The following ARMH1 variants were observed in gnomAD, a reference collection of about 807,000 sequenced individuals.
ARMH1 encodes armadillo like helical domain containing 1.
Under a neutral mutation model 50.2 loss-of-function variants are expected in ARMH1, and 34 were observed. That is an observed-to-expected ratio of 0.68 (90% confidence interval 0.51 to 0.90). The LOEUF is 0.90. Ranked by LOEUF, ARMH1 falls within the 40% of genes least tolerant of loss-of-function variation. The pLI is 0.00. For missense variants in ARMH1, 538 were observed against 553.9 expected, an observed-to-expected ratio of 0.97 and a Z score of 0.29; for synonymous variants, 221 against 224.2, an observed-to-expected ratio of 0.99 and a Z score of 0.13.
At chr1:44,684,823 G>T (rs1645417109) in intron 1 of ARMH1, among the ~76,000 whole-genome samples, 1 of 152,158 alleles carries the variant, frequency 6.6e-6, no homozygotes, top group Non-Finnish European at 1.5e-5. Context: ...CTCAGGCAGG[G>T]CTTGAAGGGC....
intron 5 of ARMH1, 60 bp downstream of exon 5, chr1:44,701,179 C>T: frequency 6.9e-7 from 1 of 1,442,080 alleles, no homozygotes. Flanking sequence ...TTACAATTAC[C>T]TTCCGCAGTT....
In ARMH1 at chr1:44,724,388, A is replaced by G; in HGVS notation, c.916A>G (p.Ile306Val). 1.3e-6 allele frequency: 2 copies of G among 1,550,114 alleles called. No individual in the cohort carries two copies. Among genetic ancestry groups the G allele is most frequent in the South Asian group, 1.2e-5 (1 of 84,010 alleles). ...FLQQAAAAKA[I>V]GVLARNDMSI... ...GCAGCAGGCCGCGGCCGCCAAGGCC[A>G]TCGGGTAAGCGGGCAGGGGTTAGTG... Residue 306 changes from isoleucine to valine, a missense_variant, in exon 8 of 12, where the codon ATC becomes GTC. Coordinates refer to ENST00000535358, the MANE Select transcript of ARMH1 (RefSeq NM_001145636.2). This position sits in a 1 kb window ranked among gnomAD's most constrained non-coding sequence, Gnocchi z 6.4.
chr1:44,712,877 T>C (rs1646679124), intron 6 of ARMH1, among the ~76,000 whole-genome samples: 1 of 152,062 alleles, frequency 6.6e-6, no homozygotes, highest in Admixed American at 6.6e-5. Flanking sequence ...TTGGTCAGAC[T>C]GGTCTCAAAC....
At chr1:44,713,946 T>G (rs1400416239) in intron 6 of ARMH1, among the ~76,000 whole-genome samples, 1 of 152,188 alleles carries the variant, frequency 6.6e-6, no homozygotes, top group Non-Finnish European at 1.5e-5. Context: ...TATATTTTTA[T>G]TGTTTCAACA....
At chr1:44,716,851 CTTTTTTT>C (rs758060030) in intron 6 of ARMH1, among the ~76,000 whole-genome samples, 12 of 138,298 alleles carry the variant, frequency 8.7e-5, no homozygotes, top group East Asian at 2.1e-4. Flanking sequence ...ATTCTTTTTT[CTTTTTTT>C]TTTTTTTTTT....
chr1:44,701,997 C>T (rs1474814636), intron 5 of ARMH1, among the ~76,000 whole-genome samples: 2 of 151,832 alleles, frequency 1.3e-5, no homozygotes, highest in Admixed American at 6.6e-5. Flanking sequence ...CCCAGCTGCT[C>T]GGGAGGCTGT....
intron 2 of ARMH1, among the ~76,000 whole-genome samples, chr1:44,695,961 A>T (rs1292353954): frequency 7.4e-6 from 1 of 135,842 alleles, no homozygotes; most frequent in African/African-American, 2.7e-5. Flanking sequence ...AAAAAAAAAA[A>T]GACTAGCCCA....
intron 1 of ARMH1, among the ~76,000 whole-genome samples, chr1:44,687,185 C>G (rs1645500176): frequency 6.6e-6 from 1 of 152,160 alleles, no homozygotes; most frequent in Non-Finnish European, 1.5e-5. Flanking sequence ...TCTGAGGCCT[C>G]TCTCCTTGGC....
chr1:44,694,582 T>C (rs1345900292), intron 2 of ARMH1, among the ~76,000 whole-genome samples: 5 of 149,262 alleles, frequency 3.3e-5, no homozygotes, highest in Non-Finnish European at 7.4e-5. Context: ...CAATCTCGGC[T>C]CACTGCAACC....
chr1:44,700,310 G>T (rs1358821460), intron 4 of ARMH1, among the ~76,000 whole-genome samples: 1 of 152,184 alleles, frequency 6.6e-6, no homozygotes, highest in Non-Finnish European at 1.5e-5. Flanking sequence ...TTTGCAAACT[G>T]CTGAGTGCTA....
At chr1:44,711,568 A>T (rs1300983634) in intron 6 of ARMH1, among the ~76,000 whole-genome samples, 2 of 152,172 alleles carry the variant, frequency 1.3e-5, no homozygotes, top group African/African-American at 2.4e-5. Flanking sequence ...TTCTGTGCTC[A>T]TCAAATATAT....
chr1:44,721,645 C>CT (rs1647157291), intron 6 of ARMH1: 1 of 152,060 alleles, frequency 6.6e-6, no homozygotes. Context: ...GGGAGGATTG[C>CT]TTGAGCATGG....
chr1:44,694,958 T>C (rs1367792161), intron 2 of ARMH1, among the ~76,000 whole-genome samples: 1 of 152,192 alleles, frequency 6.6e-6, no homozygotes, highest in Non-Finnish European at 1.5e-5. Context: ...GGTTGAGTAA[T>C]TTACTAGCAC....
chr1:44,688,579 A>AT (rs1364097242), intron 1 of ARMH1, among the ~76,000 whole-genome samples: 1 of 152,222 alleles, frequency 6.6e-6, no homozygotes, highest in Non-Finnish European at 1.5e-5. Context: ...TGTTCTCTCC[A>AT]TATCAATCAT....
At chr1:44,703,597 C>T (rs1646193987) in intron 5 of ARMH1, among the ~76,000 whole-genome samples, 1 of 148,990 alleles carries the variant, frequency 6.7e-6, no homozygotes, top group Admixed American at 6.7e-5. Flanking sequence ...GGCATGGTGG[C>T]GGGCACCTGT....
In ARMH1 at chr1:44,700,153, T is replaced by C. The variant is rs115932108; in HGVS notation, c.443-770T>C. 6.0e-3 allele frequency among the ~76,000 whole-genome samples: 913 copies of C among 151,156 alleles called. 12 individuals carry two copies. Among genetic ancestry groups the C allele is most frequent in the African/African-American group, 0.021 (857 of 41,250 alleles). ...CGAACATCTCCCTTTTTCAAAGCAC[T>C]TCCCACCCTGCATTCTCATCAAGGT... On this transcript the variant is annotated intron_variant, in intron 4 of 11. Coordinates refer to ENST00000535358, the MANE Select transcript of ARMH1 (RefSeq NM_001145636.2).
In ARMH1 at chr1:44,725,572, A is replaced by C; in HGVS notation, c.*169A>C. 1.5e-6 allele frequency: 1 copy of C among 667,036 alleles called. No individual in the cohort carries two copies. The highest frequency in any genetic ancestry group is 1.9e-5 in the South Asian group (1 of 53,172). The allele number at this position is 667,036 out of a possible 1,614,324, so 41.3% of individuals were successfully genotyped here. ...GAGCCGCTGGCTGCGAAGAGTCAAT[A>C]AACAGCCTTGATACCTGTCTGTTCT... On this transcript the variant is annotated 3_prime_UTR_variant, in exon 12 of 12. Coordinates refer to ENST00000535358, the MANE Select transcript of ARMH1 (RefSeq NM_001145636.2).
chr1:44,691,735 C>T lies in ARMH1; in HGVS notation c.206+1832C>T, dbSNP rs143807833. 3.9e-3 allele frequency among the ~76,000 whole-genome samples: 588 copies of T among 152,288 alleles called. 2 individuals are homozygous for T. Among genetic ancestry groups the T allele is most frequent in the Middle Eastern group, 0.01 (3 of 294 alleles). On this transcript the variant is annotated intron_variant, in intron 2 of 11. Coordinates refer to ENST00000535358, the MANE Select transcript of ARMH1 (RefSeq NM_001145636.2). ...AATCTGAGTTCCATACCTATATATC[C>T]AACTATTCCATACCCATATATCCAT...
At chr1:44,721,501 T>C (rs977015133) in intron 6 of ARMH1, among the ~76,000 whole-genome samples, 2 of 150,480 alleles carry the variant, frequency 1.3e-5, no homozygotes, top group African/African-American at 2.4e-5. Flanking sequence ...TGTCAAAAAC[T>C]AGGTTTTCTT....
Sources: allele counts gnomAD v4.1 joint callset (sites outside exome capture counted in the v4.1 genomes callset), GRCh38; gene constraint gnomAD v4.1.1; non-coding constraint Gnocchi (gnomAD v3.1); transcripts MANE v1.5; gene names NCBI Gene and HGNC (gene_info 2026-07-23, HGNC 2026-07-21).